TVP23C: variants seen among roughly 807,000 people sequenced by gnomAD.
TVP23C encodes the protein Golgi apparatus membrane protein TVP23 homolog C.
A neutral mutation model predicts 28.7 loss-of-function variants in TVP23C; 19 were observed. The ratio of observed to expected loss-of-function variants is 0.66; its 90% confidence interval spans 0.46 to 0.97. The LOEUF (loss-of-function observed/expected upper bound fraction) is 0.97. Among genes scored for constraint, TVP23C ranks in the 50% least tolerant of loss-of-function variants. TVP23C has a pLI of 0.00. For missense variants in TVP23C, 186 were observed against 241.3 expected (o/e 0.77, Z 1.52); for synonymous variants, 68 against 81.7 (o/e 0.83, Z 0.90).
At chr17:15,503,270 AGTGGCGCGCCT>A (rs1445379914) in intron 5 of TVP23C, 5 of 1,450,404 alleles carry the variant, frequency 3.4e-6, no homozygotes, top group Middle Eastern at 4.8e-4. Flanking sequence ...AGCCAGGTGT[AGTGGCGCGCCT>A]GTGGTTCCAG....
rs1373761237 is a variant in TVP23C at position 15,537,368 on chromosome 17, C to T, written c.*3044G>A. On this transcript the variant is annotated 3_prime_UTR_variant, in exon 6 of 6. Coordinates refer to ENST00000518321, the MANE Select transcript of TVP23C (RefSeq NM_001135036.2). ...TTCTCATTATGACATGAGAATAATG[C>T]TCTTTTAGTGGTAAAAGATCTATTA... 2.0e-6 allele frequency: 2 copies of T among 980,290 alleles called. No individual in the cohort carries two copies. The highest frequency in any genetic ancestry group is 2.4e-6 in the Non-Finnish European group (2 of 825,656). 60.7% of individuals were successfully genotyped at this position (980,290 alleles called of 1,614,324 possible). A position where few individuals can be genotyped will look rare whatever the true frequency, so the allele number is the denominator to read the frequency against.
chr17:15,551,536 C>A (rs1410086459), intron 3 of TVP23C, among the ~76,000 whole-genome samples: 1 of 152,072 alleles, frequency 6.6e-6, no homozygotes, highest in Non-Finnish European at 1.5e-5. Flanking sequence ...CCCTTCTCTA[C>A]CTCTTCTTTA....
rs1984033266 is a variant in TVP23C, at chr17:15,554,316, CA to C, written c.96-488del. ...TTGGTGGCGCAATCTCGGCTCACTG[CA>C]AACTTCACCTCCTGGGTTCACGCCA... On this transcript the variant is annotated intron_variant, in intron 2 of 5. Coordinates refer to ENST00000518321, the MANE Select transcript of TVP23C (RefSeq NM_001135036.2). Among the ~76,000 whole-genome samples the C allele has an allele frequency of 2.0e-5, 3 of 148,838 alleles. No individual in the cohort carries two copies. In the South Asian group the frequency reaches 6.3e-4, roughly 31 times the overall value.
intron 5 of TVP23C, among the ~76,000 whole-genome samples, chr17:15,524,063 G>GGGGTGT (rs1216462843): frequency 1.8e-4 from 25 of 136,262 alleles, no homozygotes; most frequent in Non-Finnish European, 3.3e-4. Flanking sequence ...AGCAGAGTGG[G>GGGGTGT]GTGTGTGTGT....
intron 3 of TVP23C, among the ~76,000 whole-genome samples, chr17:15,552,272 G>T (rs1983926002): frequency 6.6e-6 from 1 of 152,206 alleles, no homozygotes; most frequent in Non-Finnish European, 1.5e-5. Flanking sequence ...GCAAGCCAAA[G>T]AAGACTGGAC....
chr17:15,558,682 G>T (rs1351633071), intron 1 of TVP23C, among the ~76,000 whole-genome samples: 1 of 148,266 alleles, frequency 6.7e-6, no homozygotes. Flanking sequence ...GATCCCAGGT[G>T]TTTAGAAGCT....
At chr17:15,528,888 G>A (rs1374840040) in intron 5 of TVP23C, among the ~76,000 whole-genome samples, 2 of 151,892 alleles carry the variant, frequency 1.3e-5, no homozygotes, top group Admixed American at 6.6e-5. Context: ...ATCAGCCACC[G>A]TGCCTGGCAG....
intron 5 of TVP23C, among the ~76,000 whole-genome samples, chr17:15,529,092 G>A (rs1982845043): frequency 2.6e-5 from 4 of 152,036 alleles, no homozygotes; most frequent in South Asian, 2.1e-4. Flanking sequence ...AGTGCTTACC[G>A]TGTACCTGGG....
chr17:15,503,455 T>G, intron 5 of TVP23C: 1 of 474,814 alleles, frequency 2.1e-6, no homozygotes, highest in East Asian at 3.7e-5. Flanking sequence ...AACGCCTCAG[T>G]GCTTAGACAT....
In TVP23C at chr17:15,538,873, T is replaced by A; in HGVS notation, c.*1539A>T. The A allele has an allele frequency of 1.0e-6, 1 of 985,844 alleles. No individual in the cohort carries two copies. 61.1% of individuals were successfully genotyped at this position (985,844 alleles called of 1,614,324 possible). A position where few individuals can be genotyped will look rare whatever the true frequency, so the allele number is the denominator to read the frequency against. On this transcript the variant is annotated 3_prime_UTR_variant, in exon 6 of 6. Coordinates refer to ENST00000518321, the MANE Select transcript of TVP23C (RefSeq NM_001135036.2). ...CCACAGTAAAGGTATATTGGAGCCA[T>A]GCAAAAATCCTTCAGAATGAGATGA...
intron 5 of TVP23C, among the ~76,000 whole-genome samples, chr17:15,519,514 CGT>C (rs1471739488): frequency 6.6e-6 from 1 of 151,198 alleles, no homozygotes; most frequent in Non-Finnish European, 1.5e-5. Context: ...ACACAAATTG[CGT>C]GTTAAGCATG....
intron 5 of TVP23C, among the ~76,000 whole-genome samples, chr17:15,519,049 C>T (rs977129428): frequency 2.0e-5 from 3 of 152,114 alleles, no homozygotes; most frequent in Admixed American, 6.5e-5. Flanking sequence ...CCTTGCTTTC[C>T]CTTCACCTAC....
rs570691049 is a variant in TVP23C at position 15,537,943 on chromosome 17, C to T, written c.*2469G>A. The T allele has an allele frequency of 1.9e-5, 27 of 1,447,048 alleles. 1 individual carries two copies. In the East Asian group the frequency reaches 2.8e-4, roughly 15 times the overall value. 89.6% of individuals were successfully genotyped at this position (1,447,048 alleles called of 1,614,324 possible). On this transcript the variant is annotated 3_prime_UTR_variant, in exon 6 of 6. Coordinates refer to ENST00000518321, the MANE Select transcript of TVP23C (RefSeq NM_001135036.2). ...TAGTGCCAACATATACTTTCTAGCC[C>T]CAACTGCTGGAAAGGAAATAAAAAC...
intron 5 of TVP23C, among the ~76,000 whole-genome samples, chr17:15,511,207 A>G (rs1457178342): frequency 2.6e-5 from 4 of 152,172 alleles, no homozygotes; most frequent in Non-Finnish European, 5.9e-5. Context: ...AGGTTTTATG[A>G]AAATAAAATA....
intron 3 of TVP23C, among the ~76,000 whole-genome samples, chr17:15,548,524 G>A (rs1983746214): frequency 6.6e-6 from 1 of 152,126 alleles, no homozygotes; most frequent in East Asian, 1.9e-4. Flanking sequence ...ATTAAATTAT[G>A]AATGTAGACA....
At chr17:15,507,192 T>C in intron 5 of TVP23C, 1 of 736,308 alleles carries the variant, frequency 1.4e-6, no homozygotes. Flanking sequence ...CGGTTCCTAA[T>C]TTTTCATCTG....
rs1981550305 is a variant in TVP23C at position 15,503,036 on chromosome 17, C to CGG, written c.657_658dup (p.Arg220ProfsTer65). The CGG allele has an allele frequency of 1.2e-6, 2 of 1,613,964 alleles. No individual in the cohort carries two copies. Among genetic ancestry groups the CGG allele is most frequent in the Non-Finnish European group, 1.7e-6 (2 of 1,180,020 alleles). On this transcript the variant is annotated frameshift_variant, in exon 6 of 6. Transcript: ENST00000225576. LOFTEE classifies it low-confidence loss of function (END_TRUNC). ...CGCACGAAGAGGTGGAGAACTAAGG[C>CGG]GGGGCGCAGGTTTCCAGTAAAGAGC...
rs144770073 is a variant in TVP23C at position 15,524,508 on chromosome 17, A to G, written c.463-21276T>C. ...CAGAGACAGGAGATAGGAAAAAGAT[A>G]AGCACATGTTCTAGATGTGTTTAAA... On this transcript the variant is annotated intron_variant, in intron 5 of 5. Coordinates refer to the TVP23C transcript ENST00000225576. 1.4e-3 allele frequency among the ~76,000 whole-genome samples: 216 copies of G among 152,328 alleles called. 2 individuals are homozygous for G. Among genetic ancestry groups the G allele is most frequent in the African/African-American group, 4.8e-3 (201 of 41,568 alleles).
intron 5 of TVP23C, among the ~76,000 whole-genome samples, chr17:15,531,962 T>C (rs1982965476): frequency 6.6e-6 from 1 of 152,180 alleles, no homozygotes; most frequent in Admixed American, 6.5e-5. Context: ...TCTAGTACCT[T>C]TCCTCGACTA....
Sources: allele counts gnomAD v4.1 joint callset (sites outside exome capture counted in the v4.1 genomes callset), GRCh38; gene constraint gnomAD v4.1.1; transcripts MANE v1.5; gene names NCBI Gene and HGNC (gene_info 2026-07-23, HGNC 2026-07-21).